Variants in NF1 observed in about 807,000 individuals in gnomAD.
NF1 encodes the protein neurofibromin 1.
NF1 carries 122 observed loss-of-function variants against 325.7 expected under a neutral mutation model. The observed-to-expected ratio is 0.37, with a 90% CI of 0.32 to 0.44. NF1 has a LOEUF of 0.44. Ranked by LOEUF, NF1 falls within the 20% of genes least tolerant of loss-of-function variation. The pLI, the probability that NF1 is intolerant of heterozygous loss-of-function variation, is 1.00. For synonymous variants in NF1, 1,091 were observed against 1,186.0 expected, an observed-to-expected ratio of 0.92 and a Z score of 1.65; for missense variants, 2,140 against 3,415.4, an observed-to-expected ratio of 0.63 and a Z score of 9.31.
rs762751192 is a variant in NF1, at chr17:31,336,751, G to C, written c.6264G>C (p.Leu2088=). Reference sequence around the variant, plus strand: ...TTTTAGCACGCTACATGCTGATGCTGTCCTTCAACAATTCCCTTGATGTGG... The same window carrying C: ...TTTTAGCACGCTACATGCTGATGCTCTCCTTCAACAATTCCCTTGATGTGG... The part of the protein sequence containing the change: ...IAILARYMLM[L]SFNNSLDVAA... The change falls in exon 42 of 58, where the codon CTG becomes CTC. Residue 2088 remains leucine, a synonymous_variant. Transcript: ENST00000358273. This position sits in a 1 kb window ranked among gnomAD's most constrained non-coding sequence, Gnocchi z 5.5. 6.2e-7 allele frequency: 1 copy of C among 1,614,080 alleles called. No individual in the cohort carries two copies. Among genetic ancestry groups the C allele is most frequent in the African/African-American group, 1.3e-5 (1 of 75,014 alleles).
chr17:31,097,611 A>G (rs1052585029), intron 1 of NF1, among the ~76,000 whole-genome samples: 1 of 152,210 alleles, frequency 6.6e-6, no homozygotes, highest in Non-Finnish European at 1.5e-5. Context: ...ACCATCTGTT[A>G]AAAATTAAGG....
At chr17:31,156,211 T>A (rs2143629254) in intron 2 of NF1, 85 bp downstream of exon 2, 1 of 1,489,928 alleles carries the variant, frequency 6.7e-7, no homozygotes, top group Non-Finnish European at 9.3e-7. Flanking sequence ...TTTTGAAGTA[T>A]GGAAAGTGAT....
rs532845959 is a variant in NF1 at position 31,346,233 on chromosome 17, A to G, written c.7190-2887A>G. On this transcript the variant is annotated intron_variant, in intron 48 of 57. Coordinates refer to ENST00000358273, the MANE Select transcript of NF1 (RefSeq NM_001042492.3). ...ACCAGGAAGATGTGGTCATTCATTC[A>G]GTAGTGTGTGTAGTATTGGTGCTGT... 25 of 1,610,444 alleles carry G rather than the reference A, an allele frequency of 1.6e-5. No homozygotes were observed. In the South Asian group the frequency reaches 2.4e-4, roughly 16 times the overall value.
At chr17:31,257,742 A>G (rs192510918) in intron 31 of NF1, 4 of 152,232 alleles carry the variant, frequency 2.6e-5, no homozygotes, top group Non-Finnish European at 5.9e-5. Flanking sequence ...TTCTTGTATT[A>G]TAAAGGAAGC....
At chr17:31,213,754 T>C (rs2066771085) in intron 12 of NF1, among the ~76,000 whole-genome samples, 1 of 152,196 alleles carries the variant, frequency 6.6e-6, no homozygotes, top group Non-Finnish European at 1.5e-5. Context: ...TTCTGAGTTC[T>C]TTCTGTTTTA....
At chr17:31,290,453 T>C (rs1467399434) in intron 36 of NF1, among the ~76,000 whole-genome samples, 2 of 152,220 alleles carry the variant, frequency 1.3e-5, no homozygotes, top group Non-Finnish European at 2.9e-5. Flanking sequence ...GAGAATTTAC[T>C]GTGTGCTAGG....
At chr17:31,195,071 A>C (rs1478964513) in intron 8 of NF1, among the ~76,000 whole-genome samples, 1 of 152,162 alleles carries the variant, frequency 6.6e-6, no homozygotes, top group Non-Finnish European at 1.5e-5. Context: ...GATAGAAATC[A>C]TTGTAAAATC....
intron 50 of NF1, among the ~76,000 whole-genome samples, chr17:31,350,908 G>A (rs765279264): frequency 1.3e-5 from 2 of 152,036 alleles, no homozygotes; most frequent in Non-Finnish European, 2.9e-5. Flanking sequence ...TTAAGGTTTA[G>A]GGACAGTGTT....
At chr17:31,171,143 T>C (rs2953010) in intron 5 of NF1, among the ~76,000 whole-genome samples, 28 of 152,342 alleles carry the variant, frequency 1.8e-4, no homozygotes, top group Non-Finnish European at 3.2e-4. Flanking sequence ...TCTATTCATA[T>C]TACCCTTGTT....
At chr17:31,229,698 A>T in intron 21 of NF1, 137 bp from the exon 22 acceptor site, 1 of 1,143,872 alleles carries the variant, frequency 8.7e-7, no homozygotes, top group Non-Finnish European at 1.3e-6. Flanking sequence ...GTGTCTGCGT[A>T]TATCTGTATG....
At chr17:31,349,511 T>C (rs2070087410) in intron 49 of NF1, among the ~76,000 whole-genome samples, 1 of 152,214 alleles carries the variant, frequency 6.6e-6, no homozygotes, top group Non-Finnish European at 1.5e-5. Flanking sequence ...CTCTGTTATC[T>C]GTCATAAAAT....
chr17:31,377,088 C>A lies in NF1; in HGVS notation c.*2933C>A. 8.6e-6 allele frequency: 2 copies of A among 233,582 alleles called. No individual in the cohort carries two copies. The highest frequency in any genetic ancestry group is 1.7e-5 in the Non-Finnish European group (2 of 118,020). 14.5% of individuals were successfully genotyped at this position (233,582 alleles called of 1,614,324 possible). ...TTTTTGTTTTTGTTTCTACATCCTT[C>A]CCCGACTCCCAGGCATAATGAGGCA... On this transcript the variant is annotated 3_prime_UTR_variant, in exon 58 of 58. Transcript: ENST00000358273.
rs150369795 is a variant in NF1, at chr17:31,198,768, C to A, written c.889-1654C>A. Among the ~76,000 whole-genome samples, 12 of 152,154 alleles carry A rather than the reference C, an allele frequency of 7.9e-5. No homozygotes were observed. In the East Asian group the frequency reaches 2.3e-3, roughly 29 times the overall value. On this transcript the variant is annotated intron_variant, in intron 8 of 57. Transcript: ENST00000358273. ...TAGCTGGGACTACAGGCATGCACCACCATGCCTGTGTAATTTTTGTCTTCT... is the reference window on the plus strand; with the variant it reads ...TAGCTGGGACTACAGGCATGCACCAACATGCCTGTGTAATTTTTGTCTTCT...
intron 1 of NF1, among the ~76,000 whole-genome samples, chr17:31,127,091 A>G (rs1914945810): frequency 6.7e-6 from 1 of 149,744 alleles, no homozygotes; most frequent in Non-Finnish European, 1.5e-5. Flanking sequence ...TTGGGTGAAT[A>G]TTAAGTGTCA....
At chr17:31,139,713 A>ATT (rs2143522341) in intron 1 of NF1, among the ~76,000 whole-genome samples, 1 of 152,214 alleles carries the variant, frequency 6.6e-6, no homozygotes, top group South Asian at 2.1e-4. Context: ...TGTATGTCTG[A>ATT]TTTTCGGACT....
At chr17:31,140,841 A>G (rs1302211743) in intron 1 of NF1, among the ~76,000 whole-genome samples, 1 of 152,224 alleles carries the variant, frequency 6.6e-6, no homozygotes, top group Admixed American at 6.5e-5. Flanking sequence ...AGTGAAATAG[A>G]CCACGCACAA....
At position 31,169,342 on chromosome 17, in the gene NF1, A is replaced by G. The variant is rs910917939; in HGVS notation, c.480-549A>G. Among the ~76,000 whole-genome samples the G allele has an allele frequency of 7.2e-5, 11 of 152,322 alleles. No individual in the cohort carries two copies. In the East Asian group the frequency reaches 9.6e-4, roughly 13 times the overall value. Reference sequence around the variant, plus strand: ...AAAGTCGGCAATATTTAGACACCTCAATCTTAAGGATAAGGATGCTACGAT... The same window carrying G: ...AAAGTCGGCAATATTTAGACACCTCGATCTTAAGGATAAGGATGCTACGAT... On this transcript the variant is annotated intron_variant, in intron 4 of 57. Transcript: ENST00000358273.
At chr17:31,306,909 G>A (rs908089216) in intron 36 of NF1, among the ~76,000 whole-genome samples, 2 of 152,046 alleles carry the variant, frequency 1.3e-5, no homozygotes, top group Admixed American at 6.6e-5. Context: ...CAGCACTTTG[G>A]GAAGCCAAGA....
intron 37 of NF1, among the ~76,000 whole-genome samples, chr17:31,326,924 T>C (rs1253448939): frequency 6.6e-6 from 1 of 151,982 alleles, no homozygotes; most frequent in Admixed American, 6.6e-5. Context: ...AGATTGTTTG[T>C]TTTGTTTTGT....
Sources: allele counts gnomAD v4.1 joint callset (sites outside exome capture counted in the v4.1 genomes callset), GRCh38; gene constraint gnomAD v4.1.1; non-coding constraint Gnocchi (gnomAD v3.1); transcripts MANE v1.5; gene names NCBI Gene and HGNC (gene_info 2026-07-23, HGNC 2026-07-21).